KCNIP4: variants seen among roughly 807,000 people sequenced by gnomAD.
KCNIP4 encodes potassium voltage-gated channel interacting protein 4, also known as Kv channel-interacting protein 4.
A neutral mutation model predicts 34.0 loss-of-function variants in KCNIP4; 12 were observed. That is an observed-to-expected ratio of 0.35 (90% CI 0.23 to 0.57). KCNIP4 has a LOEUF of 0.57. KCNIP4 is among the 20% of genes least tolerant of loss of function. The probability of loss-of-function intolerance (pLI) is 0.83; values close to 1 mark genes in which losing one functional copy is unlikely to be tolerated. For synonymous variants in KCNIP4, 124 were observed against 102.2 expected (o/e 1.21, Z -1.29); for missense variants, 238 against 311.7 (o/e 0.76, Z 1.78).
chr4:21,018,519 C>T (rs190947912), intron 1 of KCNIP4, among the ~76,000 whole-genome samples: 6 of 152,198 alleles, frequency 3.9e-5, no homozygotes, highest in African/African-American at 1.2e-4. Context: ...GTAGAGGATG[C>T]GATGGAAGGC....
intron 1 of KCNIP4, among the ~76,000 whole-genome samples, chr4:20,974,018 A>G (rs1577466444): frequency 6.6e-6 from 1 of 152,340 alleles, no homozygotes; most frequent in Admixed American, 6.5e-5. Flanking sequence ...AAAATGTGAT[A>G]CAAAGACACA....
chr4:21,449,880 A>T (rs1728368815), intron 1 of KCNIP4, among the ~76,000 whole-genome samples: 1 of 151,980 alleles, frequency 6.6e-6, no homozygotes, highest in South Asian at 2.1e-4. Context: ...TCTACATTCC[A>T]TCCATCCATC....
chr4:21,444,480 T>C (rs1348295687), intron 1 of KCNIP4, among the ~76,000 whole-genome samples: 1 of 152,116 alleles, frequency 6.6e-6, no homozygotes, highest in Non-Finnish European at 1.5e-5. Flanking sequence ...CATACGCAAA[T>C]CAGTAAACAT....
intron 1 of KCNIP4, among the ~76,000 whole-genome samples, chr4:21,481,001 C>G: frequency 6.6e-6 from 1 of 152,040 alleles, no homozygotes; most frequent in East Asian, 1.9e-4. Context: ...GAAAGGAGAC[C>G]AGTACTGCCA....
At chr4:21,832,580 TTTTA>T (rs1487200577) in intron 1 of KCNIP4, among the ~76,000 whole-genome samples, 1 of 35,114 alleles carries the variant, frequency 2.8e-5, no homozygotes, top group Non-Finnish European at 7.9e-5. Context: ...TTTTTATTTT[TTTTA>T]TTTTTTTTTT....
chr4:21,691,977 C>T (rs1010280405), intron 1 of KCNIP4, among the ~76,000 whole-genome samples: 6 of 152,050 alleles, frequency 3.9e-5, no homozygotes, highest in Non-Finnish European at 8.8e-5. Flanking sequence ...GGATTACAGG[C>T]GTGATCCACC....
chr4:21,615,262 C>A (rs1459914295), intron 1 of KCNIP4, among the ~76,000 whole-genome samples: 1 of 151,806 alleles, frequency 6.6e-6, no homozygotes, highest in Admixed American at 6.6e-5. Context: ...CATATAGGGC[C>A]GGGCGCGGTG....
intron 1 of KCNIP4, among the ~76,000 whole-genome samples, chr4:21,905,223 G>T (rs960815045): frequency 5.9e-5 from 9 of 151,968 alleles, no homozygotes; most frequent in Non-Finnish European, 1.5e-5. Flanking sequence ...CTCCTTCTAG[G>T]GACCATTCTG....
intron 1 of KCNIP4, among the ~76,000 whole-genome samples, chr4:21,138,380 A>G (rs1165768725): frequency 1.3e-5 from 2 of 152,178 alleles, no homozygotes; most frequent in African/African-American, 4.8e-5. Flanking sequence ...AAACACAAAT[A>G]TGCTTTTTCA....
At chr4:20,975,201 G>T (rs950695088) in intron 1 of KCNIP4, among the ~76,000 whole-genome samples, 17 of 152,150 alleles carry the variant, frequency 1.1e-4, no homozygotes, top group African/African-American at 3.4e-4. Flanking sequence ...TTATTTTTAA[G>T]AGAGTGTAGA....
intron 1 of KCNIP4, chr4:21,316,498 T>C (rs1036570920): frequency 1.3e-5 from 2 of 152,208 alleles, no homozygotes; most frequent in Non-Finnish European, 2.9e-5. Flanking sequence ...ATTTCAGGTG[T>C]CCTGAAAATA....
chr4:20,837,679 TATA>T (rs1413180125), intron 3 of KCNIP4, among the ~76,000 whole-genome samples: 27 of 80,912 alleles, frequency 3.3e-4, no homozygotes, highest in East Asian at 2.6e-3. Context: ...TATATATATA[TATA>T]TATATTTTTT....
intron 1 of KCNIP4, among the ~76,000 whole-genome samples, chr4:21,294,643 C>T (rs921600493): frequency 6.6e-6 from 1 of 152,056 alleles, no homozygotes; most frequent in African/African-American, 2.4e-5. Flanking sequence ...ATATAATGAT[C>T]ACTCTATTAT....
chr4:21,063,110 A>C (rs1434607685), intron 1 of KCNIP4, among the ~76,000 whole-genome samples: 1 of 152,138 alleles, frequency 6.6e-6, no homozygotes, highest in East Asian at 1.9e-4. Context: ...TACCATGAGC[A>C]TATCAGGCTA....
chr4:20,840,997 C>G (rs779839439), intron 3 of KCNIP4, among the ~76,000 whole-genome samples: 9 of 152,162 alleles, frequency 5.9e-5, no homozygotes, highest in Non-Finnish European at 1.2e-4. Flanking sequence ...TTCTTCATTA[C>G]CATTTGAGAT....
intron 1 of KCNIP4, among the ~76,000 whole-genome samples, chr4:21,575,612 T>C (rs1740693451): frequency 6.6e-6 from 1 of 152,176 alleles, no homozygotes; most frequent in Non-Finnish European, 1.5e-5. Flanking sequence ...ATCTGCATAA[T>C]TTGTCATCTT....
At chr4:21,014,940 G>A (rs1247380415) in intron 1 of KCNIP4, among the ~76,000 whole-genome samples, 1 of 152,104 alleles carries the variant, frequency 6.6e-6, no homozygotes, top group Non-Finnish European at 1.5e-5. Flanking sequence ...CCTTAAAAAG[G>A]AATGAAATTC....
chr4:21,928,628 G>A (rs1018851002), intron 1 of KCNIP4, among the ~76,000 whole-genome samples: 2 of 152,052 alleles, frequency 1.3e-5, no homozygotes, highest in African/African-American at 4.8e-5. Flanking sequence ...CCCAAATGAA[G>A]AGAGACTACA....
intron 1 of KCNIP4, among the ~76,000 whole-genome samples, chr4:21,595,568 T>C: frequency 6.6e-6 from 1 of 152,108 alleles, no homozygotes; most frequent in Non-Finnish European, 1.5e-5. Context: ...AATGCCACAC[T>C]GTCTTCCACA....
Sources: allele counts gnomAD v4.1 joint callset (sites outside exome capture counted in the v4.1 genomes callset), GRCh38; gene constraint gnomAD v4.1.1; transcripts MANE v1.5; gene names NCBI Gene and HGNC (gene_info 2026-07-23, HGNC 2026-07-21).